PALLD: variants seen among roughly 807,000 people sequenced by gnomAD.
PALLD encodes palladin, cytoskeletal associated protein, also known as palladin.
Under a neutral mutation model 123.5 loss-of-function variants are expected in PALLD, and 61 were observed. That is an observed-to-expected ratio of 0.49 (90% CI 0.40 to 0.61). The LOEUF is 0.61. Ranked by LOEUF, PALLD falls within the 20% of genes least tolerant of loss-of-function variation. The pLI is 0.00. For synonymous variants in PALLD, 465 were observed against 496.4 expected (o/e 0.94, Z 0.84); for missense variants, 1,273 against 1,377.0 (o/e 0.92, Z 1.20).
At position 168,927,774 on chromosome 4, in the gene PALLD, T is replaced by C. The variant is rs148023504; in HGVS notation, c.*1594T>C. ...TAGACTGAGTTGATTCTGACCAGAC[T>C]TGATGGTTTTAAGTCGGAACCGATA... is the stretch of plus-strand genomic sequence containing the variant. On this transcript the variant is annotated 3_prime_UTR_variant, in exon 22 of 22. Transcript: ENST00000505667. The C allele has an allele frequency of 7.3e-4, 162 of 220,750 alleles. No individual in the cohort carries two copies. The highest frequency in any genetic ancestry group is 3.4e-3 in the African/African-American group (150 of 44,752). 13.7% of individuals were successfully genotyped at this position (220,750 alleles called of 1,614,324 possible). A position where few individuals can be genotyped will look rare whatever the true frequency, so the allele number is the denominator to read the frequency against.
intron 10 of PALLD, among the ~76,000 whole-genome samples, chr4:168,854,817 C>A (rs1422433784): frequency 6.6e-6 from 1 of 152,240 alleles, no homozygotes. Context: ...TGTGTTTTCT[C>A]TGTTTCCACA....
rs533249274 is a variant in PALLD, at chr4:168,857,357, AC to A, written c.1965-33561del. Among the ~76,000 whole-genome samples the A allele has an allele frequency of 2.8e-4, 43 of 152,144 alleles. No homozygotes were observed. In the East Asian group the frequency reaches 8.1e-3, roughly 29 times the overall value. On this transcript the variant is annotated intron_variant, in intron 10 of 21. Coordinates refer to ENST00000505667, the MANE Select transcript of PALLD (RefSeq NM_001166108.2). ...TTAGGATATGGTACTAGCTTCATGAACCCCATTGTAGACTTCACATTTAGAA... is the reference window on the plus strand; with the variant it reads ...TTAGGATATGGTACTAGCTTCATGAACCCATTGTAGACTTCACATTTAGAA...
At chr4:168,604,424 C>T (rs1401436621) in intron 2 of PALLD, among the ~76,000 whole-genome samples, 3 of 152,148 alleles carry the variant, frequency 2.0e-5, no homozygotes, top group Admixed American at 6.5e-5. Flanking sequence ...ACATGGAACA[C>T]GTAACATGGC....
chr4:168,633,242 T>A (rs1433490783), intron 2 of PALLD, among the ~76,000 whole-genome samples: 1 of 152,250 alleles, frequency 6.6e-6, no homozygotes, highest in Non-Finnish European at 1.5e-5. Flanking sequence ...CAGCTTATAA[T>A]TGCCCGTATA....
Position 168,925,053 on chromosome 4 carries a change from C to T in PALLD, c.3333C>T (p.Ser1111=), listed in dbSNP as rs1762303043. 4 of 1,613,958 alleles carry T rather than the reference C, an allele frequency of 2.5e-6. No individual in the cohort carries two copies. In the Admixed American group the frequency reaches 5.0e-5, roughly 20 times the overall value. The change falls in exon 20 of 22, where the codon TCC becomes TCT. Residue 1111 remains serine (S), a synonymous_variant. Transcript: ENST00000505667. ...VSAKNEAGIV[S]CTARLDVYIS... ...CCAAGAATGAAGCAGGGATTGTGTC[C>T]TGTACTGCCAGGCTGGACGTTTACA...
chr4:168,677,184 T>C (rs1322687499), intron 3 of PALLD, among the ~76,000 whole-genome samples: 1 of 151,974 alleles, frequency 6.6e-6, no homozygotes, highest in Non-Finnish European at 1.5e-5. Flanking sequence ...TTGTTTTTTT[T>C]TTTTTCTCCT....
At chr4:168,692,367 G>A (rs929793006) in intron 8 of PALLD, among the ~76,000 whole-genome samples, 1 of 152,200 alleles carries the variant, frequency 6.6e-6, no homozygotes, top group Non-Finnish European at 1.5e-5. Flanking sequence ...ATTATAAGCA[G>A]AGCAAGTCCC....
At chr4:168,798,271 C>G (rs1464684761) in intron 10 of PALLD, among the ~76,000 whole-genome samples, 2 of 152,010 alleles carry the variant, frequency 1.3e-5, no homozygotes, top group African/African-American at 4.8e-5. Context: ...GTAAATTCCT[C>G]TAAATAAGAA....
intron 10 of PALLD, among the ~76,000 whole-genome samples, chr4:168,744,410 G>A (rs1561472766): frequency 6.6e-6 from 1 of 152,194 alleles, no homozygotes; most frequent in Non-Finnish European, 1.5e-5. Flanking sequence ...ATCCTCCACA[G>A]CCTCGAGGTC....
At chr4:168,548,790 C>T (rs1766431705) in intron 2 of PALLD, among the ~76,000 whole-genome samples, 1 of 152,014 alleles carries the variant, frequency 6.6e-6, no homozygotes, top group Non-Finnish European at 1.5e-5. Context: ...AAATTATTAC[C>T]GTAAATGATT....
chr4:168,757,791 G>C (rs1349066498), intron 10 of PALLD, among the ~76,000 whole-genome samples: 1 of 152,214 alleles, frequency 6.6e-6, no homozygotes, highest in Non-Finnish European at 1.5e-5. Flanking sequence ...ACATATTTAG[G>C]CTGGGTGGGG....
At chr4:168,785,649 G>A (rs987606955) in intron 10 of PALLD, among the ~76,000 whole-genome samples, 5 of 151,498 alleles carry the variant, frequency 3.3e-5, no homozygotes, top group African/African-American at 1.2e-4. Flanking sequence ...CCCACCTTGG[G>A]TTTGGGAAGA....
At chr4:168,714,886 C>A (rs1178054999) in intron 10 of PALLD, among the ~76,000 whole-genome samples, 1 of 151,252 alleles carries the variant, frequency 6.6e-6, no homozygotes, top group Non-Finnish European at 1.5e-5. Context: ...TTTTTTTTCT[C>A]TCTTGAATAG....
intron 10 of PALLD, among the ~76,000 whole-genome samples, chr4:168,760,914 A>G (rs1024350409): frequency 3.9e-5 from 6 of 152,214 alleles, no homozygotes; most frequent in Non-Finnish European, 8.8e-5. Context: ...CTCAAGAAGT[A>G]TGGATGGCTC....
rs1767456950 is a variant in PALLD at position 168,557,655 on chromosome 4, T to A, written c.908+45243T>A. On this transcript the variant is annotated intron_variant, in intron 2 of 21. Transcript: ENST00000505667. ...TCCTGTGTCCCAATGTGGAAACACA[T>A]AGACACTATCCACTGTTACGTAAGG... Among the ~76,000 whole-genome samples, 3 of 152,204 alleles carry A rather than the reference T, an allele frequency of 2.0e-5. No homozygotes were observed. The South Asian group carries it at 6.2e-4, about 32-fold the overall frequency.
intron 2 of PALLD, chr4:168,648,030 G>A (rs1356255942): frequency 6.6e-6 from 1 of 152,008 alleles, no homozygotes; most frequent in Non-Finnish European, 1.5e-5. Context: ...GTCCACTAAG[G>A]TAGTTCTCTG....
At chr4:168,581,438 C>T (rs1561270896) in intron 2 of PALLD, among the ~76,000 whole-genome samples, 1 of 152,004 alleles carries the variant, frequency 6.6e-6, no homozygotes, top group Non-Finnish European at 1.5e-5. Context: ...TTGATAGTAG[C>T]CATTCTAACA....
At chr4:168,877,861 G>T in intron 10 of PALLD, 1 of 1,405,092 alleles carries the variant, frequency 7.1e-7, no homozygotes, top group Non-Finnish European at 9.3e-7. Context: ...CCGAGCTCGC[G>T]GCCTGCACGC....
chr4:168,794,307 G>C (rs1412244417), intron 10 of PALLD, among the ~76,000 whole-genome samples: 1 of 152,168 alleles, frequency 6.6e-6, no homozygotes. Context: ...GAAATTCCAA[G>C]GGACTTACTC....
Sources: gnomAD v4.1 joint callset for allele counts (sites outside exome capture counted in the v4.1 genomes callset) on GRCh38, gnomAD v4.1.1 for gene constraint, MANE v1.5 for transcripts, NCBI Gene and HGNC (gene_info 2026-07-23, HGNC 2026-07-21) for gene names.